Variants in ATP1A2 observed in about 807,000 individuals in gnomAD.
The protein encoded by ATP1A2 is sodium/potassium-transporting ATPase subunit alpha-2.
ATP1A2 carries 56 observed loss-of-function variants against 113.1 expected under a neutral mutation model. That is an observed-to-expected ratio of 0.49 (90% CI 0.40 to 0.62). The LOEUF is 0.62. Among genes scored for constraint, ATP1A2 ranks in the 20% least tolerant of loss-of-function variants. ATP1A2 has a pLI of 0.00. For missense variants in ATP1A2, 712 were observed against 1,357.8 expected, an observed-to-expected ratio of 0.52 and a Z score of 7.47; for synonymous variants, 490 against 526.8, an observed-to-expected ratio of 0.93 and a Z score of 0.96.
At position 160,120,931 on chromosome 1, in the gene ATP1A2, C is replaced by T. The variant is rs1651374712; in HGVS notation, c.38C>T (p.Ala13Val). Residue 13 changes from alanine (A) to valine (V), a missense_variant, in exon 2 of 23, where the codon GCC (alanine) becomes GTC (valine). By Grantham distance (64) the Ala-to-Val change is moderately conservative. Transcript: ENST00000361216. ...RGAGREYSPA[A>V]TTAENGGGKK... The stretch of plus-strand genomic sequence containing the variant: ...GCTGGCCGTGAGTACTCACCTGCCG[C>T]CACCACGGCAGAGAATGGGGGCGGC... 2 of 1,605,994 alleles carry T rather than the reference C, an allele frequency of 1.2e-6. No individual in the cohort carries two copies. The highest frequency in any genetic ancestry group is 1.7e-6 in the Non-Finnish European group (2 of 1,176,274).
chr1:160,124,455 CAGTTG>C, intron 6 of ATP1A2, 25 bp downstream of exon 6: 1 of 1,591,272 alleles, frequency 6.3e-7, no homozygotes, highest in South Asian at 1.1e-5. Context: ...CCAGAGCAAG[CAGTTG>C]AGTCTAAGGA....
chr1:160,121,322 C>G (rs1191368729), intron 3 of ATP1A2, 71 bp downstream of exon 3: 1 of 1,555,136 alleles, frequency 6.4e-7, no homozygotes, highest in East Asian at 2.2e-5. Flanking sequence ...GTGGCAGGAG[C>G]CTTAAAACTG....
At chr1:160,133,820 A>T (rs1363026969) in intron 13 of ATP1A2, among the ~76,000 whole-genome samples, 1 of 152,000 alleles carries the variant, frequency 6.6e-6, no homozygotes, top group Non-Finnish European at 1.5e-5. Flanking sequence ...GAAATCCAAA[A>T]TCCTAAAATA....
At chr1:160,134,988 TG>T (rs1222887410) in intron 14 of ATP1A2, among the ~76,000 whole-genome samples, 156 bp from the exon 15 acceptor site, 1 of 151,844 alleles carries the variant, frequency 6.6e-6, no homozygotes, top group Non-Finnish European at 1.5e-5. Flanking sequence ...CAAAGAGAAA[TG>T]GGGGAAGTGA....
At position 160,123,341 on chromosome 1, in the gene ATP1A2, G is replaced by A. The variant is rs775623158; in HGVS notation, c.306G>A (p.Leu102=). The A allele has an allele frequency of 1.2e-5, 20 of 1,614,226 alleles. No individual in the cohort carries two copies. The highest frequency in any genetic ancestry group is 1.7e-5 in the Non-Finnish European group (20 of 1,180,044). ...TTTTCGGGGGGTTCTCCATCCTGCT[G>A]TGGATTGGGGCTATCCTCTGCTTCC... ...RQLFGGFSIL[L]WIGAILCFLA... is the part of the protein sequence containing the mutation. The change falls in exon 4 of 23, where the codon CTG becomes CTA. Residue 102 remains leucine (L), a synonymous_variant. Transcript: ENST00000361216.
At position 160,133,912 on chromosome 1, in the gene ATP1A2, T is replaced by G. The variant is rs1651839257; in HGVS notation, c.1828-572T>G. Among the ~76,000 whole-genome samples, 4 of 152,212 alleles carry G rather than the reference T, an allele frequency of 2.6e-5. No homozygotes were observed. In the South Asian group the frequency reaches 8.3e-4, roughly 32 times the overall value. On this transcript the variant is annotated intron_variant, in intron 13 of 22. Coordinates refer to ENST00000361216, the MANE Select transcript of ATP1A2 (RefSeq NM_000702.4). ...TGTTACTCTGTTATGGATACTTTCC[T>G]GCACTTAAGCAAACTATCTCTCTCT...
Position 160,136,050 on chromosome 1 carries a change from A to G in ATP1A2, c.2439+57A>G. 1.9e-6 allele frequency: 3 copies of G among 1,613,338 alleles called. No individual in the cohort carries two copies. In the Admixed American group the frequency reaches 5.0e-5, roughly 27 times the overall value. ...AAGGCAATCGTGATGGCACAGTGGC[A>G]GGGAGGAGAGGTGCACTGGGGCAGT... On this transcript the variant is annotated intron_variant, in intron 17 of 22. Coordinates refer to ENST00000361216, the MANE Select transcript of ATP1A2 (RefSeq NM_000702.4).
chr1:160,124,142 G>A (rs1651507023), intron 5 of ATP1A2, 86 bp downstream of exon 5: 3 of 1,573,238 alleles, frequency 1.9e-6, no homozygotes, highest in Non-Finnish European at 2.6e-6. Context: ...CAGGCTCTAA[G>A]ATAGAGATGG....
At chr1:160,118,009 C>T (rs530462154) in intron 1 of ATP1A2, among the ~76,000 whole-genome samples, 4 of 152,128 alleles carry the variant, frequency 2.6e-5, no homozygotes, top group Admixed American at 6.5e-5. Context: ...CCTGGGCAGC[C>T]GCTGGCCCCA....
At position 160,141,721 on chromosome 1, in the gene ATP1A2, C is replaced by G. The variant is rs910793341; in HGVS notation, c.*399C>G. 1 of 284,970 alleles carries G rather than the reference C, an allele frequency of 3.5e-6. No homozygotes were observed. The highest frequency in any genetic ancestry group is 6.9e-6 in the Non-Finnish European group (1 of 144,512). 17.7% of individuals were successfully genotyped at this position (284,970 alleles called of 1,614,324 possible). A position where few individuals can be genotyped will look rare whatever the true frequency, so the allele number is the denominator to read the frequency against. On this transcript the variant is annotated 3_prime_UTR_variant, in exon 23 of 23. Coordinates refer to ENST00000361216, the MANE Select transcript of ATP1A2 (RefSeq NM_000702.4). The stretch of plus-strand genomic sequence containing the variant: ...AGAAGGAAGCCCTCTCAGATCACCC[C>G]AGCCTCACTCCATTTCCCACTTCCA...
chr1:160,124,839 C>T (rs1370005285), intron 6 of ATP1A2, among the ~76,000 whole-genome samples: 1 of 152,146 alleles, frequency 6.6e-6, no homozygotes, highest in African/African-American at 2.4e-5. Flanking sequence ...TAGTGTCTCC[C>T]CCTGTGGTTG....
intron 13 of ATP1A2, among the ~76,000 whole-genome samples, chr1:160,131,087 G>T (rs563816194): frequency 1.3e-5 from 2 of 152,156 alleles, no homozygotes; most frequent in South Asian, 2.1e-4. Context: ...TGCTATGTTT[G>T]TTCTTCATTC....
intron 7 of ATP1A2, 128 bp downstream of exon 7, chr1:160,125,381 G>A (rs913022152): frequency 3.5e-6 from 3 of 852,494 alleles, no homozygotes; most frequent in Non-Finnish European, 5.8e-6. Context: ...GGGTCAGGGG[G>A]CCCTGAATAT....
chr1:160,131,406 ACTTGAACCAAGGCAGT>A (rs1651766424), intron 13 of ATP1A2, among the ~76,000 whole-genome samples: 1 of 152,248 alleles, frequency 6.6e-6, no homozygotes, highest in Non-Finnish European at 1.5e-5. Context: ...TAGAGCAGGT[ACTTGAACCAAGGCAGT>A]CTGCTATTTC....
chr1:160,130,697 C>T (rs781308237), intron 13 of ATP1A2, 100 bp downstream of exon 13: 121 of 1,521,122 alleles, frequency 8.0e-5, no homozygotes, highest in Non-Finnish European at 1.1e-4. Flanking sequence ...GCCACGGTGG[C>T]CTCCTTCCCA....
intron 7 of ATP1A2, among the ~76,000 whole-genome samples, chr1:160,126,673 G>T (rs7514381): frequency 0.076 from 11,619 of 152,048 alleles, 485 homozygotes; most frequent in Middle Eastern, 0.18. Context: ...GTCTCACTAT[G>T]TTACCCAGGC....
Position 160,130,449 on chromosome 1 carries a change from G to A in ATP1A2, c.1679G>A (p.Gly560Glu). ...TTCTGTCAACTGAATCTGCCATCTGGAAAGTTTCCTCGGGGCTTCAAATTC... is the reference window on the plus strand; with the variant it reads ...TTCTGTCAACTGAATCTGCCATCTGAAAAGTTTCCTCGGGGCTTCAAATTC... ...LGFCQLNLPSGKFPRGFKFDT... is the reference protein window; with the variant it reads ...LGFCQLNLPSEKFPRGFKFDT... Residue 560 changes from glycine (G) to glutamate (E), a missense_variant, in exon 13 of 23, where the codon GGA (glycine) becomes GAA (glutamate). Physicochemically the swap from Gly to Glu is moderately conservative, Grantham distance 98. Coordinates refer to ENST00000361216, the MANE Select transcript of ATP1A2 (RefSeq NM_000702.4). 6.2e-7 allele frequency: 1 copy of A among 1,614,226 alleles called. No individual in the cohort carries two copies. Among genetic ancestry groups the A allele is most frequent in the Non-Finnish European group, 8.5e-7 (1 of 1,180,036 alleles).
chr1:160,116,198 C>T (rs1651172162), intron 1 of ATP1A2, among the ~76,000 whole-genome samples: 1 of 152,116 alleles, frequency 6.6e-6, no homozygotes. Context: ...CCTCTCACTG[C>T]ATCTCCCGGC....
intron 1 of ATP1A2, 75 bp from the exon 2 acceptor site, chr1:160,120,831 C>T: frequency 6.8e-7 from 1 of 1,469,612 alleles, no homozygotes; most frequent in Non-Finnish European, 9.3e-7. Context: ...TGCCTGGGCT[C>T]CCTGGCTGAG....
Sources: gnomAD v4.1 joint callset for allele counts (sites outside exome capture counted in the v4.1 genomes callset) on GRCh38, gnomAD v4.1.1 for gene constraint, MANE v1.5 for transcripts, NCBI Gene and HGNC (gene_info 2026-07-23, HGNC 2026-07-21) for gene names.